Variants in ZFR2 observed in about 807,000 individuals in gnomAD.
ZFR2 encodes zinc finger RNA-binding protein 2.
ZFR2 carries 104 observed loss-of-function variants against 105.7 expected under a neutral mutation model. The ratio of observed to expected loss-of-function variants is 0.98; its 90% CI spans 0.84 to 1.16. The LOEUF (loss-of-function observed/expected upper bound fraction) is 1.16. ZFR2 is among the 50% of genes most tolerant of loss of function. ZFR2 has a pLI of 0.00. For missense variants in ZFR2, 1,425 were observed against 1,355.5 expected (o/e 1.05, Z -0.80); for synonymous variants, 634 against 597.7 (o/e 1.06, Z -0.89).
Position 3,831,778 on chromosome 19 carries a change from G to A in ZFR2, c.480C>T (p.Ser160=). ...GGTAGGTGTATCCCGAGGACAAGGTGCTCGCTGGCTGTCCGGACTCCACTA... is the reference window on the plus strand; with the variant it reads ...GGTAGGTGTATCCCGAGGACAAGGTACTCGCTGGCTGTCCGGACTCCACTA... The part of the protein sequence containing the change: ...APIVESGQPA[S]TLSSGYTYPT... Residue 160 remains serine (S), a synonymous_variant, in exon 4 of 19, where the codon AGC becomes AGT. Transcript: ENST00000262961. The A allele has an allele frequency of 1.9e-6, 3 of 1,610,416 alleles. No homozygotes were observed. Among genetic ancestry groups the A allele is most frequent in the South Asian group, 1.1e-5 (1 of 90,848 alleles).
At chr19:3,855,711 G>A (rs2038290666) in intron 1 of ZFR2, 1 of 354,260 alleles carries the variant, frequency 2.8e-6, no homozygotes, top group East Asian at 4.1e-5. Flanking sequence ...TGGGTGAGGA[G>A]GAGGGTGAAG....
chr19:3,826,329 G>A (rs1002787820), intron 6 of ZFR2, among the ~76,000 whole-genome samples: 1 of 151,988 alleles, frequency 6.6e-6, no homozygotes, highest in Non-Finnish European at 1.5e-5. Flanking sequence ...GGCCTCTCAG[G>A]GTGGCTCAGC....
chr19:3,857,016 C>T (rs1455752032), intron 1 of ZFR2: 1 of 151,588 alleles, frequency 6.6e-6, no homozygotes, highest in Non-Finnish European at 1.5e-5. Flanking sequence ...GCAGGAGTCA[C>T]TGCACCTGGC....
intron 1 of ZFR2, among the ~76,000 whole-genome samples, chr19:3,864,454 T>C (rs546457619): frequency 6.6e-6 from 1 of 152,294 alleles, no homozygotes; most frequent in East Asian, 1.9e-4. Context: ...CAAAATCCAG[T>C]AGTCTTCTAA....
Position 3,805,805 on chromosome 19 carries a change from A to C in ZFR2, c.*144T>G. On this transcript the variant is annotated 3_prime_UTR_variant, in exon 19 of 19. Transcript: ENST00000262961. ...AGCCACAGTGCCCGGTCTGAAGCAC[A>C]GGTGTTTTAAAGGAAACCTACAGAG... 1.0e-6 allele frequency: 1 copy of C among 974,700 alleles called. No homozygotes were observed. Among genetic ancestry groups the C allele is most frequent in the Non-Finnish European group, 1.4e-6 (1 of 705,154 alleles). 60.4% of individuals were successfully genotyped at this position (974,700 alleles called of 1,614,324 possible).
At chr19:3,825,834 G>C (rs182266450) in intron 6 of ZFR2, among the ~76,000 whole-genome samples, 72 of 152,232 alleles carry the variant, frequency 4.7e-4, no homozygotes, top group African/African-American at 1.7e-3. Context: ...CCCACGTTCT[G>C]CACGCACGTG....
At chr19:3,832,827 G>A (rs940563330) in intron 3 of ZFR2, among the ~76,000 whole-genome samples, 14 of 151,246 alleles carry the variant, frequency 9.3e-5, no homozygotes, top group African/African-American at 2.7e-4. Flanking sequence ...TTGTAGAGAC[G>A]GGGGTCTTAC....
chr19:3,866,846 T>TTAA (rs1403521579), intron 1 of ZFR2, among the ~76,000 whole-genome samples: 1 of 152,056 alleles, frequency 6.6e-6, no homozygotes, highest in Non-Finnish European at 1.5e-5. Context: ...CAAATAAAAA[T>TTAA]TAAATGCTCC....
intron 16 of ZFR2, 99 bp from the exon 17 acceptor site, chr19:3,809,082 GCT>G: frequency 1.1e-6 from 1 of 890,350 alleles, no homozygotes; most frequent in Non-Finnish European, 1.6e-6. Flanking sequence ...GCCCCCCTCA[GCT>G]CTTTCTCTAA....
chr19:3,860,728 G>C (rs187107108), intron 1 of ZFR2, among the ~76,000 whole-genome samples: 152 of 152,244 alleles, frequency 1.0e-3, no homozygotes, highest in Non-Finnish European at 3.2e-4. Flanking sequence ...ATTTCCAACA[G>C]CATCGGCTCA....
At chr19:3,833,911 A>C (rs1381473508) in intron 2 of ZFR2, 133 bp from the exon 3 acceptor site, 1 of 662,828 alleles carries the variant, frequency 1.5e-6, no homozygotes, top group Non-Finnish European at 2.5e-6. Flanking sequence ...GCGTCTGCCC[A>C]GGACCAGGCC....
chr19:3,862,796 T>G (rs2038387336), intron 1 of ZFR2, among the ~76,000 whole-genome samples: 1 of 152,210 alleles, frequency 6.6e-6, no homozygotes. Flanking sequence ...GTTCAGCCCC[T>G]AACACGTATT....
intron 16 of ZFR2, 79 bp from the exon 17 acceptor site, chr19:3,809,062 G>T: frequency 9.4e-7 from 1 of 1,069,214 alleles, no homozygotes; most frequent in Non-Finnish European, 1.3e-6. Context: ...TGGGGTCCCT[G>T]GGACAGGAGG....
At chr19:3,856,529 A>C (rs2038303861) in intron 1 of ZFR2, among the ~76,000 whole-genome samples, 1 of 152,116 alleles carries the variant, frequency 6.6e-6, no homozygotes, top group South Asian at 2.1e-4. Context: ...CCACCACCCC[A>C]AAAAGAAACC....
intron 18 of ZFR2, among the ~76,000 whole-genome samples, chr19:3,806,616 G>A (rs1001434263): frequency 4.6e-5 from 7 of 152,238 alleles, no homozygotes; most frequent in East Asian, 1.9e-4. Context: ...AGGAATTTTC[G>A]CGTGGTGCCG....
At chr19:3,835,034 A>C in intron 1 of ZFR2, 51 bp from the exon 2 acceptor site, 25 of 1,549,490 alleles carry the variant, frequency 1.6e-5, no homozygotes, top group Non-Finnish European at 2.0e-5. Context: ...GCGAGTTCTC[A>C]GGTGCACTGA....
chr19:3,852,713 G>A, intron 1 of ZFR2: 1 of 644,458 alleles, frequency 1.6e-6, no homozygotes, highest in Non-Finnish European at 2.9e-6. Flanking sequence ...GTGGTTTCAG[G>A]AGCTGAGCCA....
At chr19:3,842,131 A>G (rs2038138540) in intron 1 of ZFR2, among the ~76,000 whole-genome samples, 1 of 150,514 alleles carries the variant, frequency 6.6e-6, no homozygotes, top group Non-Finnish European at 1.5e-5. Context: ...TTCCACCTCA[A>G]CCTCCTGAGT....
At chr19:3,826,962 C>T (rs2037957328) in intron 6 of ZFR2, among the ~76,000 whole-genome samples, 1 of 152,138 alleles carries the variant, frequency 6.6e-6, no homozygotes, top group Non-Finnish European at 1.5e-5. Context: ...GGAAAGGAGT[C>T]CCCGCACGGT....
Sources: allele counts gnomAD v4.1 joint callset (sites outside exome capture counted in the v4.1 genomes callset), GRCh38; gene constraint gnomAD v4.1.1; transcripts MANE v1.5; gene names NCBI Gene and HGNC (gene_info 2026-07-23, HGNC 2026-07-21).